PACRG: variants seen among roughly 807,000 people sequenced by gnomAD.
PACRG encodes parkin coregulated gene protein.
In PACRG, 29 loss-of-function variants were observed where a neutral mutation model predicts 29.7. The observed-to-expected ratio is 0.98, with a 90% CI of 0.73 to 1.33. The LOEUF is 1.33. Among genes scored for constraint, PACRG ranks in the 40% most tolerant of loss-of-function variants. The pLI is 0.00. For synonymous variants in PACRG, 116 were observed against 118.7 expected (o/e 0.98, Z 0.15); for missense variants, 279 against 316.2 (o/e 0.88, Z 0.89).
intron 4 of PACRG, among the ~76,000 whole-genome samples, chr6:163,231,130 T>C (rs1317664866): frequency 2.0e-5 from 3 of 152,260 alleles, no homozygotes; most frequent in Middle Eastern, 3.4e-3. Context: ...GGCACCACCT[T>C]TGGGAGGCTG....
chr6:163,060,167 CTT>C (rs1411063811), intron 2 of PACRG, among the ~76,000 whole-genome samples: 3 of 152,142 alleles, frequency 2.0e-5, no homozygotes, highest in Admixed American at 6.5e-5. Flanking sequence ...ATGTCAATGA[CTT>C]AATGTATTAA....
rs1313514171 is a variant in PACRG, at chr6:163,033,517, CAA to C, written c.292-28631_292-28630del. Among the ~76,000 whole-genome samples the C allele has an allele frequency of 3.3e-5, 5 of 152,104 alleles. No individual in the cohort carries two copies. In the East Asian group the frequency reaches 9.6e-4, roughly 29 times the overall value. On this transcript the variant is annotated intron_variant, in intron 2 of 4. Coordinates refer to ENST00000366888, the MANE Select transcript of PACRG (RefSeq NM_001080379.2). ...GAATAATCTTTAAAACTCTATTTCC[CAA>C]AGATTACTTAAGTCACATGAACTAA...
chr6:162,873,846 C>T (rs1407022431), intron 2 of PACRG, among the ~76,000 whole-genome samples: 3 of 152,074 alleles, frequency 2.0e-5, no homozygotes, highest in Non-Finnish European at 4.4e-5. Flanking sequence ...TAAGATTAGC[C>T]AGTACATTTT....
chr6:162,874,802 CAA>C (rs959132511), intron 2 of PACRG, among the ~76,000 whole-genome samples: 3 of 151,874 alleles, frequency 2.0e-5, no homozygotes, highest in Non-Finnish European at 4.4e-5. Context: ...ACATCACACA[CAA>C]AGTCACATTC....
At chr6:163,254,064 T>C (rs1185413935) in intron 4 of PACRG, among the ~76,000 whole-genome samples, 2 of 152,174 alleles carry the variant, frequency 1.3e-5, no homozygotes, top group Non-Finnish European at 2.9e-5. Context: ...CTTCTCCTGC[T>C]ACCACCAGGG....
chr6:162,978,649 A>G (rs530489280), intron 2 of PACRG, among the ~76,000 whole-genome samples: 3 of 152,310 alleles, frequency 2.0e-5, no homozygotes, highest in South Asian at 2.1e-4. Flanking sequence ...TCAGCATTTT[A>G]TTCTTGCCCT....
At chr6:163,044,701 G>A (rs899572388) in intron 2 of PACRG, 1 of 152,194 alleles carries the variant, frequency 6.6e-6, no homozygotes, top group African/African-American at 2.4e-5. Flanking sequence ...CTACGAGTGT[G>A]CTGGCAAACC....
chr6:163,094,314 G>C lies in PACRG; in HGVS notation c.613+4906G>C, dbSNP rs540534420. Among the ~76,000 whole-genome samples the C allele has an allele frequency of 1.5e-4, 23 of 152,232 alleles. No homozygotes were observed. The East Asian group carries it at 3.9e-3, about 26-fold the overall frequency. ...GATTTACATTTTAGAAATTTACTTC[G>C]AAGTCCCTTTGAAATGGTTAAATGT... On this transcript the variant is annotated intron_variant, in intron 4 of 4. Coordinates refer to ENST00000366888, the MANE Select transcript of PACRG (RefSeq NM_001080379.2).
chr6:163,054,765 A>T (rs1033644020), intron 2 of PACRG, among the ~76,000 whole-genome samples: 2 of 152,114 alleles, frequency 1.3e-5, no homozygotes, highest in African/African-American at 4.8e-5. Flanking sequence ...AGCCATTCGC[A>T]TCCCAGTTTC....
intron 4 of PACRG, among the ~76,000 whole-genome samples, chr6:163,207,758 A>C (rs1780966180): frequency 6.6e-6 from 1 of 152,226 alleles, no homozygotes; most frequent in South Asian, 2.1e-4. Context: ...CAAAATTAAA[A>C]TATAAGACTG....
chr6:163,307,954 A>G (rs1459318174), intron 4 of PACRG, among the ~76,000 whole-genome samples: 2 of 152,174 alleles, frequency 1.3e-5, no homozygotes, highest in Non-Finnish European at 2.9e-5. Context: ...AATTATCTAA[A>G]CTTTACTGGA....
chr6:163,196,209 A>G (rs1254504818), intron 4 of PACRG, among the ~76,000 whole-genome samples: 3 of 152,240 alleles, frequency 2.0e-5, no homozygotes, highest in African/African-American at 7.2e-5. Flanking sequence ...CATGATAAGC[A>G]CATGGAGACT....
At chr6:162,774,724 G>A (rs1783505547) in intron 1 of PACRG, among the ~76,000 whole-genome samples, 2 of 151,970 alleles carry the variant, frequency 1.3e-5, no homozygotes, top group South Asian at 4.2e-4. Context: ...CTTGTAGTCT[G>A]TGATTAGAAA....
At chr6:162,845,185 C>G (rs1172434218) in intron 2 of PACRG, among the ~76,000 whole-genome samples, 1 of 152,096 alleles carries the variant, frequency 6.6e-6, no homozygotes, top group Non-Finnish European at 1.5e-5. Context: ...ATTTTGCAGA[C>G]TAGCAATGCA....
chr6:163,008,440 C>T (rs1805324496), intron 2 of PACRG, among the ~76,000 whole-genome samples: 1 of 151,898 alleles, frequency 6.6e-6, no homozygotes, highest in Non-Finnish European at 1.5e-5. Context: ...GTGTGTTTTC[C>T]AGATTCTCTA....
rs78259040 is a variant in PACRG at position 163,104,092 on chromosome 6, G to T, written c.613+14684G>T. ...TCCGATTTAACAACTATTATATGCT[G>T]GTAGATCAAAGTAGCTGTTGCTGAT... On this transcript the variant is annotated intron_variant, in intron 4 of 4. Coordinates refer to ENST00000366888, the MANE Select transcript of PACRG (RefSeq NM_001080379.2). 8.3e-4 allele frequency among the ~76,000 whole-genome samples: 126 copies of T among 152,308 alleles called. 1 individual carries two copies. The East Asian group carries it at 0.02, about 24-fold the overall frequency.
intron 2 of PACRG, among the ~76,000 whole-genome samples, chr6:162,914,101 T>C (rs1208198973): frequency 1.3e-5 from 2 of 152,202 alleles, no homozygotes; most frequent in African/African-American, 4.8e-5. Flanking sequence ...TTTTCTTTTA[T>C]GGTTTTACTT....
In PACRG at chr6:162,853,470, T is replaced by C. The variant is rs951179837; in HGVS notation, c.291+39189T>C. Among the ~76,000 whole-genome samples, 3 of 152,254 alleles carry C rather than the reference T, an allele frequency of 2.0e-5. No homozygotes were observed. Among genetic ancestry groups the C allele is most frequent in the African/African-American group, 7.2e-5 (3 of 41,468 alleles). ...TATTATTTTATTCACAGAACTGTGG[T>C]GTTCTCAGTCCTTGTAGCCAATCTT... On this transcript the variant is annotated intron_variant, in intron 2 of 4. Transcript: ENST00000366888. This position sits in a 1 kb window ranked among gnomAD's most constrained non-coding sequence, Gnocchi z 4.7.
intron 4 of PACRG, among the ~76,000 whole-genome samples, chr6:163,097,345 A>G (rs956808110): frequency 3.3e-5 from 5 of 152,214 alleles, no homozygotes; most frequent in African/African-American, 4.8e-5. Flanking sequence ...AGATAGGTTC[A>G]TGACCCAGGC....
Sources: allele counts gnomAD v4.1 joint callset (sites outside exome capture counted in the v4.1 genomes callset), GRCh38; gene constraint gnomAD v4.1.1; non-coding constraint Gnocchi (gnomAD v3.1); transcripts MANE v1.5; gene names NCBI Gene and HGNC (gene_info 2026-07-23, HGNC 2026-07-21).